ASH1L: variants seen among roughly 807,000 people sequenced by gnomAD.
The protein encoded by ASH1L is ASH1 like histone lysine methyltransferase, also known as histone-lysine N-methyltransferase ASH1L.
Under a neutral mutation model 269.0 loss-of-function variants are expected in ASH1L, and 23 were observed. That is an observed-to-expected ratio of 0.09 (90% CI 0.06 to 0.12). The LOEUF (loss-of-function observed/expected upper bound fraction) is 0.12, where lower values mean the gene tolerates loss of function less well. ASH1L is among the 10% of genes least tolerant of loss of function. The pLI, the probability that ASH1L is intolerant of heterozygous loss-of-function variation, is 1.00. For missense variants in ASH1L, 2,912 were observed against 3,567.8 expected (o/e 0.82, Z 4.68); for synonymous variants, 1,187 against 1,253.5 (o/e 0.95, Z 1.12).
Position 155,370,877 on chromosome 1 carries a change from C to T in ASH1L, c.6439G>A (p.Ala2147Thr). The T allele has an allele frequency of 6.2e-7, 1 of 1,614,126 alleles. No individual in the cohort carries two copies. The highest frequency in any genetic ancestry group is 1.3e-5 in the African/African-American group (1 of 75,044). Residue 2147 changes from alanine (A) to threonine (T), a missense_variant, in exon 11 of 28, where the codon GCT becomes ACT. This residue lies in a region of ASH1L where 193 missense variants were observed against 311.6 expected (regional missense o/e 0.62). Transcript: ENST00000392403. ...EWVQCLERFR[A>T]EEKGWGIRTK... ...CTGATTCCCCAACCTTTTTCCTCAG[C>T]TCGAAATCGTTCTAGACATTGCACC... is the stretch of plus-strand genomic sequence containing the variant.
intron 6 of ASH1L, among the ~76,000 whole-genome samples, chr1:155,410,407 G>A (rs972180584): frequency 1.3e-5 from 2 of 152,054 alleles, no homozygotes; most frequent in African/African-American, 4.8e-5. Context: ...GAGGTCAAAG[G>A]ATTCTTCTGC....
chr1:155,548,779 T>C (rs927674705), intron 1 of ASH1L, among the ~76,000 whole-genome samples: 2 of 152,238 alleles, frequency 1.3e-5, no homozygotes, highest in Non-Finnish European at 2.9e-5. Flanking sequence ...CATCAAGTTC[T>C]TTGGCTCTAA....
upstream of ASH1L, chr1:155,562,816 C>T (rs754135611): frequency 1.4e-5 from 8 of 585,246 alleles, no homozygotes; most frequent in South Asian, 7.5e-5. Context: ...CCTCCTCCTC[C>T]TCCACCTCCT....
intron 3 of ASH1L, among the ~76,000 whole-genome samples, chr1:155,465,289 C>CAAAAAAAAAAAAAAAAAAAAAAAAAAAGA (rs1171228344): frequency 1.6e-5 from 1 of 62,576 alleles, no homozygotes; most frequent in Non-Finnish European, 3.1e-5. Context: ...TACAAATTAG[C>CAAAAAAAAAAAAAAAAAAAAAAAAAAAGA]AAAAAAAAAA....
Position 155,479,726 on chromosome 1 carries a change from T to C in ASH1L, c.3144A>G (p.Gly1048=), listed in dbSNP as rs779183826. 1 of 1,614,182 alleles carries C rather than the reference T, an allele frequency of 6.2e-7. No individual in the cohort carries two copies. Among genetic ancestry groups the C allele is most frequent in the South Asian group, 1.1e-5 (1 of 91,076 alleles). Residue 1048 remains glycine (G), a synonymous_variant, in exon 3 of 28, where the codon GGA becomes GGG. Coordinates refer to ENST00000392403, the MANE Select transcript of ASH1L (RefSeq NM_018489.3). The part of the protein sequence containing the change: ...NVSKKGTIYI[G]KRRGRKPKTV... Reference sequence around the variant, plus strand: ...TTTTTGGTTTGCGACCTCTTCTCTTTCCTATATAAATGGTTCCTTTCTTGC... The same window carrying C: ...TTTTTGGTTTGCGACCTCTTCTCTTCCCTATATAAATGGTTCCTTTCTTGC...
intron 19 of ASH1L, 123 bp from the exon 20 acceptor site, chr1:155,348,027 T>A: frequency 5.2e-6 from 6 of 1,154,316 alleles, no homozygotes. Context: ...AGATTTTCAA[T>A]AGTATCAAAT....
At chr1:155,472,873 T>A (rs1665210197) in intron 3 of ASH1L, among the ~76,000 whole-genome samples, 1 of 152,206 alleles carries the variant, frequency 6.6e-6, no homozygotes, top group African/African-American at 2.4e-5. Flanking sequence ...CTGACAGTTT[T>A]TTAAGCACTA....
chr1:155,446,611 CTTTTTT>C (rs1186369283), intron 4 of ASH1L, among the ~76,000 whole-genome samples: 1 of 132,992 alleles, frequency 7.5e-6, no homozygotes, highest in Non-Finnish European at 1.6e-5. Flanking sequence ...ATTTCAGTTT[CTTTTTT>C]TTTTTTTTCT....
intron 1 of ASH1L, 66 bp from the exon 2 acceptor site, chr1:155,521,684 G>T: frequency 1.8e-6 from 1 of 548,874 alleles, no homozygotes; most frequent in African/African-American, 1.9e-5. Context: ...ATAAGTAATG[G>T]GTATAGGGGA....
intron 7 of ASH1L, among the ~76,000 whole-genome samples, chr1:155,385,734 C>G (rs1657374686): frequency 1.3e-5 from 2 of 152,242 alleles, no homozygotes; most frequent in South Asian, 4.2e-4. Context: ...TGTATTTTAG[C>G]TGGCTTTTTC....
At chr1:155,534,419 A>G (rs900492770) in intron 1 of ASH1L, among the ~76,000 whole-genome samples, 8 of 151,112 alleles carry the variant, frequency 5.3e-5, no homozygotes, top group Non-Finnish European at 1.2e-4. Flanking sequence ...ATTTGTCAAT[A>G]TAATGTGAGA....
chr1:155,544,576 C>T (rs921542001), intron 1 of ASH1L, among the ~76,000 whole-genome samples: 1 of 152,030 alleles, frequency 6.6e-6, no homozygotes. Context: ...CGTAAGCCAC[C>T]GTGCCCGGCC....
chr1:155,515,032 A>G (rs1349395933), intron 2 of ASH1L, among the ~76,000 whole-genome samples: 1 of 152,192 alleles, frequency 6.6e-6, no homozygotes, highest in African/African-American at 2.4e-5. Flanking sequence ...GCACCAAAAA[A>G]GGTCATGGTC....
chr1:155,562,107 G>T, intron 1 of ASH1L, 46 bp downstream of exon 1: 4 of 1,255,382 alleles, frequency 3.2e-6, no homozygotes, highest in Non-Finnish European at 4.5e-6. Flanking sequence ...TTCAATCGCT[G>T]AGAGAGTGCT....
chr1:155,560,860 T>A (rs1671913420), intron 1 of ASH1L, among the ~76,000 whole-genome samples: 1 of 152,130 alleles, frequency 6.6e-6, no homozygotes, highest in African/African-American at 2.4e-5. Flanking sequence ...TGGATATGCA[T>A]TTCATACAGG....
intron 12 of ASH1L, among the ~76,000 whole-genome samples, chr1:155,368,325 T>C (rs996943402): frequency 6.6e-6 from 1 of 152,110 alleles, no homozygotes; most frequent in East Asian, 1.9e-4. Flanking sequence ...GTGGAAGAAT[T>C]ATCAGTGAAG....
intron 2 of ASH1L, among the ~76,000 whole-genome samples, chr1:155,503,933 G>A (rs1236609692): frequency 1.3e-5 from 2 of 152,126 alleles, no homozygotes; most frequent in African/African-American, 4.8e-5. Context: ...CATGTTGCCA[G>A]ACTGGTCTTG....
chr1:155,526,805 T>C (rs936707715), intron 1 of ASH1L, among the ~76,000 whole-genome samples: 2 of 152,214 alleles, frequency 1.3e-5, no homozygotes, highest in African/African-American at 4.8e-5. Flanking sequence ...CCTCTTCATT[T>C]AGGCAACTAT....
chr1:155,346,501 G>A (rs1174589821), intron 20 of ASH1L, 32 bp from the exon 21 acceptor site: 4 of 1,590,598 alleles, frequency 2.5e-6, no homozygotes, highest in Non-Finnish European at 3.5e-6. Context: ...GGGGAACATG[G>A]AGGCTATGAC....
Sources: gnomAD v4.1 joint callset for allele counts (sites outside exome capture counted in the v4.1 genomes callset) on GRCh38, gnomAD v4.1.1 for gene constraint, gnomAD v4.1.1 regional missense constraint, MANE v1.5 for transcripts, NCBI Gene and HGNC (gene_info 2026-07-23, HGNC 2026-07-21) for gene names.